The following WASHC4 variants were observed in gnomAD, a reference collection of about 807,000 sequenced individuals.
WASHC4 encodes the protein WASH complex subunit 7.
In WASHC4, 86 loss-of-function variants were observed where a neutral mutation model predicts 166.6. The observed-to-expected ratio is 0.52, with a 90% CI of 0.43 to 0.62. The LOEUF (loss-of-function observed/expected upper bound fraction) is 0.62. Among genes scored for constraint, WASHC4 ranks in the 20% least tolerant of loss-of-function variants. The pLI is 0.00. For missense variants in WASHC4, 1,262 were observed against 1,382.4 expected, an observed-to-expected ratio of 0.91 and a Z score of 1.38; for synonymous variants, 446 against 451.6, an observed-to-expected ratio of 0.99 and a Z score of 0.16.
At chr12:105,151,371 C>T (rs1883761521) in intron 25 of WASHC4, among the ~76,000 whole-genome samples, 1 of 152,062 alleles carries the variant, frequency 6.6e-6, no homozygotes, top group Non-Finnish European at 1.5e-5. Flanking sequence ...ATTTCCAGTT[C>T]TCTTGTATAA....
chr12:105,157,215 C>T lies in WASHC4; in HGVS notation c.2826-21C>T, dbSNP rs753944927. ...CATATTTTACTTGACCTAATAAATG[C>T]CTTCCCAAATTCTTATGTAGATTTG... On this transcript the variant is annotated intron_variant, in intron 27 of 32. Transcript: ENST00000332180. 3.2e-6 allele frequency: 4 copies of T among 1,247,804 alleles called. No homozygotes were observed. The South Asian group carries it at 4.8e-5, about 15-fold the overall frequency. The allele number at this position is 1,247,804 out of a possible 1,614,324, so 77.3% of individuals were successfully genotyped here.
In WASHC4 at chr12:105,142,471, C is replaced by T. The variant is rs1473883859; in HGVS notation, c.1806C>T (p.Asp602=). Residue 602 remains aspartate (D), a synonymous_variant, in exon 19 of 33, where the codon GAC becomes GAT. Coordinates refer to ENST00000332180, the MANE Select transcript of WASHC4 (RefSeq NM_015275.3). ...ELRERVQTQC[D]CCFLYWHRAV... ...ATTGTAGAGTCCAAACACAATGTGA[C>T]TGTTGTTTTTTATACTGGCATCGAG... 5 of 1,606,208 alleles carry T rather than the reference C, an allele frequency of 3.1e-6. No individual in the cohort carries two copies. In the Admixed American group the frequency reaches 8.3e-5, roughly 27 times the overall value.
chr12:105,156,165 C>A (rs1455072078), intron 26 of WASHC4, among the ~76,000 whole-genome samples: 5 of 152,206 alleles, frequency 3.3e-5, no homozygotes, highest in Non-Finnish European at 5.9e-5. Context: ...GCTTGAGCAA[C>A]TGAAAGGATA....
chr12:105,127,362 T>C, intron 13 of WASHC4, 73 bp downstream of exon 13: 1 of 1,016,558 alleles, frequency 9.8e-7, no homozygotes, highest in Non-Finnish European at 1.5e-6. Flanking sequence ...TAACACTTAA[T>C]GTATAGTACC....
At chr12:105,128,379 G>C (rs1184570248) in intron 13 of WASHC4, among the ~76,000 whole-genome samples, 1 of 152,180 alleles carries the variant, frequency 6.6e-6, no homozygotes, top group African/African-American at 2.4e-5. Context: ...CTTTCCATTT[G>C]AGTAGCAGTA....
intron 2 of WASHC4, among the ~76,000 whole-genome samples, chr12:105,113,654 A>G (rs763752193): frequency 7.9e-5 from 12 of 152,076 alleles, no homozygotes; most frequent in Non-Finnish European, 1.6e-4. Flanking sequence ...ATGTAACCAG[A>G]AGGGAGATCT....
In WASHC4 at chr12:105,138,022, G is replaced by A; in HGVS notation, c.1452+11G>A. The A allele has an allele frequency of 2.5e-6, 4 of 1,609,036 alleles. No individual in the cohort carries two copies. Among genetic ancestry groups the A allele is most frequent in the Non-Finnish European group, 3.4e-6 (4 of 1,177,658 alleles). The stretch of plus-strand genomic sequence containing the variant: ...GTTGAACTTCTCAAGGTAGGTTTTA[G>A]ATTATTTTACTGCTCCATCATAATT... On this transcript the variant is annotated intron_variant, in intron 15 of 32. Transcript: ENST00000332180.
chr12:105,115,804 GAA>G, intron 6 of WASHC4, 76 bp downstream of exon 6: 1 of 907,068 alleles, frequency 1.1e-6, no homozygotes, highest in East Asian at 2.4e-5. Context: ...AAAAAGTTCT[GAA>G]ACCTTCAAAT....
rs1445108898 is a variant in WASHC4 at position 105,120,549 on chromosome 12, T to C, written c.519-6T>C. The C allele has an allele frequency of 1.3e-6, 2 of 1,580,174 alleles. No homozygotes were observed. Among genetic ancestry groups the C allele is most frequent in the Non-Finnish European group, 1.7e-6 (2 of 1,149,554 alleles). On this transcript the variant is annotated splice_region_variant and splice_polypyrimidine_tract_variant and intron_variant, in intron 7 of 32. Transcript: ENST00000332180. ...TTTTTTTAACTTGGTTGTTATTTTA[T>C]TATAGGATTGCACCCAAAATTATAG...
At chr12:105,148,185 T>C in intron 24 of WASHC4, 1 of 985,242 alleles carries the variant, frequency 1.0e-6, no homozygotes, top group Non-Finnish European at 1.2e-6. Flanking sequence ...CAATGAGTGA[T>C]ATGATTGGAG....
chr12:105,149,309 T>C (rs1368872423), intron 24 of WASHC4: 1 of 985,200 alleles, frequency 1.0e-6, no homozygotes, highest in Non-Finnish European at 1.2e-6. Flanking sequence ...AAAACTAGAG[T>C]CTTGAGTCTG....
rs1883307208 is a variant in WASHC4, at chr12:105,146,492, T to A, written c.2375T>A (p.Phe792Tyr). 1 of 1,605,352 alleles carries A rather than the reference T, an allele frequency of 6.2e-7. No homozygotes were observed. The highest frequency in any genetic ancestry group is 8.5e-7 in the Non-Finnish European group (1 of 1,172,394). ...GAAATTATGAGAAACATTCATATAT[T>A]TGTGTCCCGATACCTCTATAATCTC... The part of the protein sequence containing the change: ...VLEIMRNIHI[F>Y]VSRYLYNLNN... Residue 792 changes from phenylalanine to tyrosine, a missense_variant, in exon 23 of 33, where the codon TTT becomes TAT. By Grantham distance (22) the Phe-to-Tyr change is conservative (BLOSUM62 3). Coordinates refer to ENST00000332180, the MANE Select transcript of WASHC4 (RefSeq NM_015275.3).
chr12:105,162,682 T>C lies in WASHC4; in HGVS notation c.3061-67T>C, dbSNP rs145325935. 304 of 790,464 alleles carry C rather than the reference T, an allele frequency of 3.8e-4. 2 individuals are homozygous for C. In the African/African-American group the frequency reaches 4.6e-3, roughly 12 times the overall value. 49.0% of individuals were successfully genotyped at this position (790,464 alleles called of 1,614,324 possible). On this transcript the variant is annotated intron_variant, in intron 29 of 32. Coordinates refer to ENST00000332180, the MANE Select transcript of WASHC4 (RefSeq NM_015275.3). The stretch of plus-strand genomic sequence containing the variant: ...TTCTATTTATAATTTTTAAAATGTC[T>C]GTTATAGGAATTCTGAAGATTTTCT...
At position 105,133,781 on chromosome 12, in the gene WASHC4, C is replaced by A. The variant is rs1209544658; in HGVS notation, c.1211C>A (p.Ser404Tyr). Residue 404 changes from serine to tyrosine, a missense_variant, in exon 14 of 33, where the codon TCT becomes TAT. Ser to Tyr is a moderately radical substitution (Grantham distance 144). Coordinates refer to ENST00000332180, the MANE Select transcript of WASHC4 (RefSeq NM_015275.3). ...TTTTCCTTTGTTAGAGATGTACAGT[C>A]TTACTACGTCTTTGTGAGCTCATGG... Reference protein sequence around the residue: ...KAQSLTKDVQSYYVFVSSWMM... With the variant: ...KAQSLTKDVQYYYVFVSSWMM... 1.2e-6 allele frequency: 2 copies of A among 1,612,112 alleles called. No homozygotes were observed. The highest frequency in any genetic ancestry group is 1.7e-6 in the Non-Finnish European group (2 of 1,178,716).
At chr12:105,120,639 C>G (rs781736681) in intron 8 of WASHC4, 42 bp downstream of exon 8, 13 of 1,372,892 alleles carry the variant, frequency 9.5e-6, no homozygotes, top group Non-Finnish European at 1.4e-5. Flanking sequence ...GTAATTATTA[C>G]TATATTTTAC....
chr12:105,121,641 GGGAC>G, intron 9 of WASHC4, among the ~76,000 whole-genome samples: 1 of 152,286 alleles, frequency 6.6e-6, no homozygotes, highest in East Asian at 1.9e-4. Flanking sequence ...CCAAGTAGCT[GGGAC>G]TACAGGCGTG....
intron 32 of WASHC4, 28 bp downstream of exon 32, chr12:105,164,768 A>AC: frequency 6.8e-7 from 1 of 1,477,930 alleles, no homozygotes. Context: ...ATTTGGAAAG[A>AC]CCAATAAATG....
intron 22 of WASHC4, 79 bp from the exon 23 acceptor site, chr12:105,146,373 A>G: frequency 4.6e-6 from 4 of 865,404 alleles, no homozygotes; most frequent in Non-Finnish European, 7.8e-6. Flanking sequence ...AGTATAATCA[A>G]TAAGTCATTA....
chr12:105,148,813 C>T, intron 24 of WASHC4: 1 of 985,090 alleles, frequency 1.0e-6, no homozygotes, highest in Non-Finnish European at 1.2e-6. Flanking sequence ...TGGAATTAAT[C>T]TTATGCTATT....
Sources: gnomAD v4.1 joint callset for allele counts (sites outside exome capture counted in the v4.1 genomes callset) on GRCh38, gnomAD v4.1.1 for gene constraint, MANE v1.5 for transcripts, NCBI Gene and HGNC (gene_info 2026-07-23, HGNC 2026-07-21) for gene names.